FSTL4: variants seen among roughly 807,000 people sequenced by gnomAD.
FSTL4 encodes the protein follistatin-related protein 4.
Under a neutral mutation model 78.2 loss-of-function variants are expected in FSTL4, and 28 were observed. That is an observed-to-expected ratio of 0.36 (90% CI 0.27 to 0.49). The LOEUF is 0.49. Ranked by LOEUF, FSTL4 falls within the 20% of genes least tolerant of loss-of-function variation. FSTL4 has a pLI of 0.98. For synonymous variants in FSTL4, 422 were observed against 440.5 expected (o/e 0.96, Z 0.53); for missense variants, 922 against 1,084.9 (o/e 0.85, Z 2.11).
chr5:133,408,478 G>C (rs1260179297), intron 3 of FSTL4, among the ~76,000 whole-genome samples: 1 of 152,010 alleles, frequency 6.6e-6, no homozygotes, highest in Non-Finnish European at 1.5e-5. Flanking sequence ...GTCCCCTGGT[G>C]GAGCAGAGGG....
the FSTL4 span, among the ~76,000 whole-genome samples, chr5:133,618,219 G>GAT: frequency 0.013 from 1,950 of 152,166 alleles, 14 homozygotes; most frequent in Non-Finnish European, 0.02. Context: ...ATGTGAATAT[G>GAT]ATATATATAT....
intron 3 of FSTL4, among the ~76,000 whole-genome samples, chr5:133,441,541 G>A (rs1757159218): frequency 6.6e-6 from 1 of 152,210 alleles, no homozygotes; most frequent in Admixed American, 6.5e-5. Context: ...AAATCCACCA[G>A]CACGGAGCAC....
chr5:133,512,931 C>T (rs1234369332), intron 3 of FSTL4, among the ~76,000 whole-genome samples: 2 of 152,146 alleles, frequency 1.3e-5, no homozygotes, highest in East Asian at 1.9e-4. Flanking sequence ...GATTCTCATG[C>T]CTTAGCCTCT....
chr5:133,698,137 A>G, the FSTL4 span, among the ~76,000 whole-genome samples: 40 of 152,252 alleles, frequency 2.6e-4, no homozygotes, highest in Non-Finnish European at 5.0e-4. Context: ...TCAAAGCCAC[A>G]GGGAGGAAGC....
intron 3 of FSTL4, among the ~76,000 whole-genome samples, chr5:133,503,090 A>G (rs1758535789): frequency 6.6e-6 from 1 of 152,194 alleles, no homozygotes; most frequent in Non-Finnish European, 1.5e-5. Flanking sequence ...ATGTAAAGTC[A>G]TTTGCTTACT....
chr5:133,481,316 G>A (rs1280891381), intron 3 of FSTL4, among the ~76,000 whole-genome samples: 3 of 152,134 alleles, frequency 2.0e-5, no homozygotes, highest in African/African-American at 4.8e-5. Context: ...TGAGGTGGGT[G>A]GATCACTTGA....
At chr5:133,264,408 G>T (rs1001750273) in intron 6 of FSTL4, among the ~76,000 whole-genome samples, 6 of 152,066 alleles carry the variant, frequency 3.9e-5, no homozygotes, top group Non-Finnish European at 7.4e-5. Flanking sequence ...CTCTGGGGAG[G>T]CCCCCTGTCA....
chr5:133,462,943 G>A (rs1757627609), intron 3 of FSTL4, among the ~76,000 whole-genome samples: 1 of 152,206 alleles, frequency 6.6e-6, no homozygotes, highest in Admixed American at 6.5e-5. Context: ...TCTCAGAGAT[G>A]GGAGACTTTG....
chr5:133,535,238 T>G (rs760363215), intron 3 of FSTL4, among the ~76,000 whole-genome samples: 1 of 152,160 alleles, frequency 6.6e-6, no homozygotes, highest in Non-Finnish European at 1.5e-5. Flanking sequence ...CTGTGAGAAC[T>G]GTTGGGAGCA....
chr5:133,293,740 C>T (rs140419186), intron 6 of FSTL4, among the ~76,000 whole-genome samples: 4 of 152,300 alleles, frequency 2.6e-5, no homozygotes, highest in Admixed American at 2.0e-4. Context: ...TGAAGGTGTC[C>T]GAGTCCCCAT....
chr5:133,242,176 C>T (rs1284005673), intron 7 of FSTL4, among the ~76,000 whole-genome samples: 1 of 152,190 alleles, frequency 6.6e-6, no homozygotes, highest in Admixed American at 6.5e-5. Flanking sequence ...GTAGACAAAA[C>T]CTGAAACAGC....
intron 3 of FSTL4, among the ~76,000 whole-genome samples, chr5:133,446,311 G>C (rs765114197): frequency 9.2e-5 from 14 of 152,214 alleles, no homozygotes; most frequent in Non-Finnish European, 5.9e-5. Context: ...GTGCTGGCAG[G>C]CACCTGTAAT....
At chr5:133,439,228 G>C (rs974701914) in intron 3 of FSTL4, among the ~76,000 whole-genome samples, 12 of 152,124 alleles carry the variant, frequency 7.9e-5, no homozygotes, top group African/African-American at 1.7e-4. Context: ...AGAGTGTCTA[G>C]GCCTATCTTC....
At chr5:133,417,422 A>G (rs1309306990) in intron 3 of FSTL4, among the ~76,000 whole-genome samples, 1 of 152,188 alleles carries the variant, frequency 6.6e-6, no homozygotes, top group Non-Finnish European at 1.5e-5. Context: ...TGTAATTGGA[A>G]TTTCAGAAGG....
intron 2 of FSTL4, among the ~76,000 whole-genome samples, chr5:133,601,881 G>C (rs1561483384): frequency 6.6e-6 from 1 of 151,562 alleles, no homozygotes; most frequent in Non-Finnish European, 1.5e-5. Flanking sequence ...ACAGGGTTTT[G>C]CTATGTTGCC....
chr5:133,634,557 C>G, the FSTL4 span, among the ~76,000 whole-genome samples: 1 of 152,116 alleles, frequency 6.6e-6, no homozygotes, highest in Non-Finnish European at 1.5e-5. Flanking sequence ...CACCTTATGT[C>G]TCTTTATAAT....
intron 3 of FSTL4, among the ~76,000 whole-genome samples, chr5:133,406,846 A>G (rs1410912418): frequency 1.3e-5 from 2 of 152,230 alleles, no homozygotes; most frequent in African/African-American, 2.4e-5. Context: ...TGGCATGAAT[A>G]TATGCCCATT....
intron 3 of FSTL4, among the ~76,000 whole-genome samples, chr5:133,488,603 G>A (rs898741122): frequency 1.3e-5 from 2 of 152,250 alleles, no homozygotes; most frequent in African/African-American, 4.8e-5. Context: ...GACGGGACAT[G>A]TCCTTTCATG....
chr5:133,631,334 C>T, the FSTL4 span, among the ~76,000 whole-genome samples: 6 of 151,176 alleles, frequency 4.0e-5, no homozygotes, highest in South Asian at 4.2e-4. Context: ...AAAAAGTGGG[C>T]GAAGGATATG....
Sources: allele counts gnomAD v4.1 joint callset (sites outside exome capture counted in the v4.1 genomes callset), GRCh38; gene constraint gnomAD v4.1.1; transcripts MANE v1.5; gene names NCBI Gene and HGNC (gene_info 2026-07-23, HGNC 2026-07-21).